The following KIRREL3 variants were observed in gnomAD, a reference collection of about 807,000 sequenced individuals.
KIRREL3 encodes kirre like nephrin family adhesion molecule 3.
A neutral mutation model predicts 89.7 loss-of-function variants in KIRREL3; 36 were observed. The observed-to-expected ratio is 0.40, with a 90% CI of 0.31 to 0.53. The LOEUF is 0.53. KIRREL3 is among the 20% of genes least tolerant of loss of function. The probability of loss-of-function intolerance (pLI) is 0.49; values close to 1 mark genes in which losing one functional copy is unlikely to be tolerated. For synonymous variants in KIRREL3, 445 were observed against 441.4 expected, an observed-to-expected ratio of 1.01 and a Z score of -0.10; for missense variants, 864 against 1,056.6, an observed-to-expected ratio of 0.82 and a Z score of 2.53.
chr11:126,767,921 G>C (rs1392737732), intron 1 of KIRREL3, among the ~76,000 whole-genome samples: 3 of 152,200 alleles, frequency 2.0e-5, no homozygotes, highest in African/African-American at 7.2e-5. Context: ...ATAATCAAAT[G>C]CTAAATTGTC....
At chr11:126,518,381 T>G (rs1473209759) in intron 4 of KIRREL3, among the ~76,000 whole-genome samples, 1 of 152,246 alleles carries the variant, frequency 6.6e-6, no homozygotes, top group Non-Finnish European at 1.5e-5. Context: ...CCTCCTCACT[T>G]GGTACTTCGA....
rs1278624009 is a variant in KIRREL3, at chr11:126,608,019, G to A, written c.56-45107C>T. 1.3e-5 allele frequency among the ~76,000 whole-genome samples: 2 copies of A among 152,096 alleles called. No homozygotes were observed. Among genetic ancestry groups the A allele is most frequent in the Admixed American group, 6.5e-5 (1 of 15,286 alleles). Reference sequence around the variant, plus strand: ...TCCAGGGCCTTTCTCATCATCTCCCGTGCCTGCCGTGCTGTCTCTTACCAA... The same window carrying A: ...TCCAGGGCCTTTCTCATCATCTCCCATGCCTGCCGTGCTGTCTCTTACCAA... On this transcript the variant is annotated intron_variant, in intron 1 of 16. Transcript: ENST00000525144. The surrounding 1 kb of genome is among the most constrained non-coding windows in gnomAD (Gnocchi z 4.9).
At chr11:126,767,431 C>T (rs1272908991) in intron 1 of KIRREL3, among the ~76,000 whole-genome samples, 1 of 152,284 alleles carries the variant, frequency 6.6e-6, no homozygotes, top group East Asian at 1.9e-4. Flanking sequence ...CCCAGGGACT[C>T]CTAAAGCTGG....
rs1030247121 is a variant in KIRREL3 at position 126,694,803 on chromosome 11, C to T, written c.56-131891G>A. Reference sequence around the variant, plus strand: ...TTACTCAGTATCAGGTAGATGCTCACTAAATGTAAAACTCCCTTATAAGGG... The same window carrying T: ...TTACTCAGTATCAGGTAGATGCTCATTAAATGTAAAACTCCCTTATAAGGG... On this transcript the variant is annotated intron_variant, in intron 1 of 16. Coordinates refer to ENST00000525144, the MANE Select transcript of KIRREL3 (RefSeq NM_032531.4). The surrounding 1 kb of genome is among the most constrained non-coding windows in gnomAD (Gnocchi z 4.4). Among the ~76,000 whole-genome samples the T allele has an allele frequency of 7.9e-5, 12 of 152,146 alleles. No homozygotes were observed. The highest frequency in any genetic ancestry group is 2.7e-4 in the African/African-American group (11 of 41,430).
chr11:126,807,040 C>T lies in KIRREL3; in HGVS notation c.55+193415G>A, dbSNP rs1951225749. ...CTCTTTTTTATGACTGCATAGAATT[C>T]CATGGCACATATGTGCCACATGACC... On this transcript the variant is annotated intron_variant, in intron 1 of 16. Coordinates refer to ENST00000525144, the MANE Select transcript of KIRREL3 (RefSeq NM_032531.4). The surrounding 1 kb of genome is among the most constrained non-coding windows in gnomAD (Gnocchi z 4.3). Among the ~76,000 whole-genome samples the T allele has an allele frequency of 6.6e-6, 1 of 152,168 alleles. No homozygotes were observed. The highest frequency in any genetic ancestry group is 6.5e-5 in the Admixed American group (1 of 15,280).
chr11:126,450,699 G>A (rs180815382), intron 7 of KIRREL3, among the ~76,000 whole-genome samples: 9 of 151,270 alleles, frequency 5.9e-5, no homozygotes, highest in East Asian at 2.0e-4. Flanking sequence ...TGTGTGGTGC[G>A]TGCATGTGCG....
In KIRREL3 at chr11:126,428,896, C is replaced by T. The variant is rs910548070; in HGVS notation, c.1806+283G>A. On this transcript the variant is annotated intron_variant, in intron 15 of 16. Coordinates refer to ENST00000525144, the MANE Select transcript of KIRREL3 (RefSeq NM_032531.4). This position sits in a 1 kb window ranked among gnomAD's most constrained non-coding sequence, Gnocchi z 6.4. ...TCCTAATCTCAAGTGATCCGCCCAA[C>T]TCGGTCTCCCAAAGTGTTGGGATTG... Among the ~76,000 whole-genome samples the T allele has an allele frequency of 6.6e-6, 1 of 152,226 alleles. No individual in the cohort carries two copies. The highest frequency in any genetic ancestry group is 2.4e-5 in the African/African-American group (1 of 41,446).
rs1946075 is a variant in KIRREL3 at position 126,772,404 on chromosome 11, C to T, written c.56-209492G>A. Among the ~76,000 whole-genome samples, 24,664 of 152,014 alleles carry T rather than the reference C, an allele frequency of 0.16. 2,981 individuals are homozygous for T. Among genetic ancestry groups the T allele is most frequent in the African/African-American group, 0.34 (14,239 of 41,410 alleles). ...CCAGGCTCAGCGGCACCACGTGGTG[C>T]GGGGATGGCTTATAATTTGAGGGAG... On this transcript the variant is annotated intron_variant, in intron 1 of 16. Transcript: ENST00000525144. The surrounding 1 kb of genome is among the most constrained non-coding windows in gnomAD (Gnocchi z 4.6).
rs539415113 is a variant in KIRREL3 at position 126,970,089 on chromosome 11, G to A, written c.55+30366C>T. 1.6e-3 allele frequency among the ~76,000 whole-genome samples: 251 copies of A among 152,266 alleles called. No individual in the cohort carries two copies. The highest frequency in any genetic ancestry group is 5.7e-3 in the African/African-American group (236 of 41,554). On this transcript the variant is annotated intron_variant, in intron 1 of 16. Transcript: ENST00000525144. This position sits in a 1 kb window ranked among gnomAD's most constrained non-coding sequence, Gnocchi z 4.4. Reference sequence around the variant, plus strand: ...CTGCCCTAGGTTGTCACCTAGGGACGGAACAGGAAAATGCAGCCTCTCTAC... The same window carrying A: ...CTGCCCTAGGTTGTCACCTAGGGACAGAACAGGAAAATGCAGCCTCTCTAC...
chr11:126,731,002 G>A (rs1190881653), intron 1 of KIRREL3, among the ~76,000 whole-genome samples: 4 of 152,142 alleles, frequency 2.6e-5, no homozygotes, highest in African/African-American at 4.8e-5. Flanking sequence ...GCCTCCCAAA[G>A]TGCTGGGATT....
rs576824113 is a variant in KIRREL3, at chr11:126,894,305, G to A, written c.55+106150C>T. On this transcript the variant is annotated intron_variant, in intron 1 of 16. Transcript: ENST00000525144. Reference sequence around the variant, plus strand: ...CTATAGTCCAGGCATTGTGTTAGGTGTAGGGGTGTCGTGGTGAGCAAGACA... The same window carrying A: ...CTATAGTCCAGGCATTGTGTTAGGTATAGGGGTGTCGTGGTGAGCAAGACA... 4.6e-5 allele frequency among the ~76,000 whole-genome samples: 7 copies of A among 152,246 alleles called. No individual in the cohort carries two copies. The South Asian group carries it at 1.2e-3, about 27-fold the overall frequency.
At chr11:126,810,291 G>C (rs1565316700) in intron 1 of KIRREL3, among the ~76,000 whole-genome samples, 1 of 152,166 alleles carries the variant, frequency 6.6e-6, no homozygotes. Flanking sequence ...AGGATCCCAG[G>C]AATATGCAGC....
rs1955106888 is a variant in KIRREL3, at chr11:126,430,974, C to T, written c.1696+445G>A. On this transcript the variant is annotated intron_variant, in intron 14 of 16. Transcript: ENST00000525144. This position sits in a 1 kb window ranked among gnomAD's most constrained non-coding sequence, Gnocchi z 6.6. ...CTCAAAGCAATTCCTTTATTGCTTC[C>T]CCACCCACTCCCCCACAGCTGTGTG... 27 of 1,076,820 alleles carry T rather than the reference C, an allele frequency of 2.5e-5. No homozygotes were observed. The highest frequency in any genetic ancestry group is 2.7e-5 in the Non-Finnish European group (24 of 888,974). The allele number at this position is 1,076,820 out of a possible 1,614,324, so 66.7% of individuals were successfully genotyped here.
At chr11:126,875,097 G>A (rs969643405) in intron 1 of KIRREL3, among the ~76,000 whole-genome samples, 1 of 152,130 alleles carries the variant, frequency 6.6e-6, no homozygotes, top group African/African-American at 2.4e-5. Context: ...TGATTTTAGA[G>A]GTGGCAAGTG....
In KIRREL3 at chr11:126,877,961, T is replaced by A. The variant is rs1222772611; in HGVS notation, c.55+122494A>T. On this transcript the variant is annotated intron_variant, in intron 1 of 16. Coordinates refer to ENST00000525144, the MANE Select transcript of KIRREL3 (RefSeq NM_032531.4). The surrounding 1 kb of genome is among the most constrained non-coding windows in gnomAD (Gnocchi z 4.9). ...TCCAAGCTTCTCACTTCACCAATGATGGGACCTAGAATCAAAGATATGGAG... is the reference window on the plus strand; with the variant it reads ...TCCAAGCTTCTCACTTCACCAATGAAGGGACCTAGAATCAAAGATATGGAG... Among the ~76,000 whole-genome samples, 1 of 152,198 alleles carries A rather than the reference T, an allele frequency of 6.6e-6. No homozygotes were observed. The highest frequency in any genetic ancestry group is 1.5e-5 in the Non-Finnish European group (1 of 68,028).
At position 126,661,380 on chromosome 11, in the gene KIRREL3, C is replaced by T. The variant is rs773441154; in HGVS notation, c.56-98468G>A. ...TGAGAGAAGTCCCCTACAACTTTTA[C>T]AATTCTGTGTTCTGTCCCAAATAAC... On this transcript the variant is annotated intron_variant, in intron 1 of 16. Coordinates refer to ENST00000525144, the MANE Select transcript of KIRREL3 (RefSeq NM_032531.4). Among the ~76,000 whole-genome samples, 25 of 152,340 alleles carry T rather than the reference C, an allele frequency of 1.6e-4. No homozygotes were observed. The South Asian group carries it at 1.7e-3, about 10-fold the overall frequency.
intron 1 of KIRREL3, among the ~76,000 whole-genome samples, chr11:126,827,321 G>A (rs542434830): frequency 9.9e-5 from 15 of 152,052 alleles, no homozygotes; most frequent in Admixed American, 2.6e-4. Flanking sequence ...GGGGCTACAG[G>A]TGCATGCCAC....
At position 126,808,707 on chromosome 11, in the gene KIRREL3, G is replaced by A. The variant is rs1356443780; in HGVS notation, c.55+191748C>T. 6.6e-6 allele frequency among the ~76,000 whole-genome samples: 1 copy of A among 152,112 alleles called. No homozygotes were observed. The highest frequency in any genetic ancestry group is 1.5e-5 in the Non-Finnish European group (1 of 68,010). ...GGGGTCTGAGTTTTGTCATGCAAACGAAGAAAAACAACTTGCTTTCCAATT... is the reference window on the plus strand; with the variant it reads ...GGGGTCTGAGTTTTGTCATGCAAACAAAGAAAAACAACTTGCTTTCCAATT... On this transcript the variant is annotated intron_variant, in intron 1 of 16. Transcript: ENST00000525144. This position sits in a 1 kb window ranked among gnomAD's most constrained non-coding sequence, Gnocchi z 4.1.
At chr11:126,592,721 G>A (rs1158850075) in intron 1 of KIRREL3, among the ~76,000 whole-genome samples, 1 of 152,218 alleles carries the variant, frequency 6.6e-6, no homozygotes, top group Non-Finnish European at 1.5e-5. Context: ...GCACATCAGG[G>A]GAGGCCTTGG....
Sources: gnomAD v4.1 joint callset for allele counts (sites outside exome capture counted in the v4.1 genomes callset) on GRCh38, gnomAD v4.1.1 for gene constraint, Gnocchi (gnomAD v3.1) non-coding constraint, MANE v1.5 for transcripts, NCBI Gene and HGNC (gene_info 2026-07-23, HGNC 2026-07-21) for gene names.